The following DLG2 variants were observed in gnomAD, a reference collection of about 807,000 sequenced individuals.
DLG2 encodes the protein discs large MAGUK scaffold protein 2.
DLG2 carries 45 observed loss-of-function variants against 132.5 expected under a neutral mutation model. The ratio of observed to expected loss-of-function variants is 0.34; its 90% CI spans 0.27 to 0.44. DLG2 has a LOEUF of 0.44. Among genes scored for constraint, DLG2 ranks in the 20% least tolerant of loss-of-function variants. DLG2 has a pLI of 1.00. For synonymous variants in DLG2, 424 were observed against 419.6 expected (o/e 1.01, Z -0.13); for missense variants, 1,045 against 1,196.9 (o/e 0.87, Z 1.87).
chr11:84,598,486 A>G (rs2099568618), intron 6 of DLG2, among the ~76,000 whole-genome samples: 1 of 152,184 alleles, frequency 6.6e-6, no homozygotes, highest in Admixed American at 6.5e-5. Context: ...CAACTCAGCT[A>G]TTTTACATTT....
At chr11:85,207,710 T>C (rs1486783889) in intron 4 of DLG2, among the ~76,000 whole-genome samples, 1 of 152,128 alleles carries the variant, frequency 6.6e-6, no homozygotes, top group Non-Finnish European at 1.5e-5. Flanking sequence ...AATTCATATT[T>C]TGGCACTTAG....
chr11:85,095,728 C>T (rs1251537917), intron 6 of DLG2, among the ~76,000 whole-genome samples: 1 of 152,116 alleles, frequency 6.6e-6, no homozygotes, highest in Non-Finnish European at 1.5e-5. Flanking sequence ...CCAGAGTTCC[C>T]AAATTCAGTA....
chr11:85,438,359 C>G (rs369003884), intron 3 of DLG2, among the ~76,000 whole-genome samples: 32 of 152,190 alleles, frequency 2.1e-4, no homozygotes, highest in African/African-American at 7.0e-4. Flanking sequence ...ATTTTTTTAA[C>G]TTAGTTGTTG....
chr11:83,725,023 A>G (rs2089717487), intron 18 of DLG2: 1 of 650,788 alleles, frequency 1.5e-6, no homozygotes, highest in Non-Finnish European at 2.8e-6. Flanking sequence ...TTAGGAGTGA[A>G]GCAGGTAGGG....
intron 4 of DLG2, among the ~76,000 whole-genome samples, chr11:85,206,318 T>G (rs574911862): frequency 8.5e-5 from 13 of 152,208 alleles, no homozygotes; most frequent in African/African-American, 2.6e-4. Context: ...CAGGTATTTC[T>G]TTATAGAAAT....
At position 85,145,617 on chromosome 11, in the gene DLG2, G is replaced by A. The variant is rs144874089; in HGVS notation, c.282+8939C>T. On this transcript the variant is annotated intron_variant, in intron 5 of 27. Transcript: ENST00000376104. ...GATCAATTCTACTCTTCAGAGATTC[G>A]AAAGCATTTTTCATTTTGACAATAG... is the stretch of plus-strand genomic sequence containing the variant. 7.3e-4 allele frequency among the ~76,000 whole-genome samples: 111 copies of A among 151,726 alleles called. No individual in the cohort carries two copies. The East Asian group carries it at 0.014, about 19-fold the overall frequency.
rs186894970 is a variant in DLG2, at chr11:84,147,055, T to A, written c.624+16406A>T. On this transcript the variant is annotated intron_variant, in intron 9 of 27. Transcript: ENST00000376104. Reference sequence around the variant, plus strand: ...CCCTCTCTGCTCCCATACTCCACTGTAGAAAATCCTGAGAAACAATCTGCT... The same window carrying A: ...CCCTCTCTGCTCCCATACTCCACTGAAGAAAATCCTGAGAAACAATCTGCT... 2.9e-3 allele frequency among the ~76,000 whole-genome samples: 444 copies of A among 152,202 alleles called. 2 individuals carry two copies. Among genetic ancestry groups the A allele is most frequent in the African/African-American group, 0.01 (421 of 41,520 alleles).
intron 6 of DLG2, among the ~76,000 whole-genome samples, chr11:84,634,898 A>G (rs2099638018): frequency 6.6e-6 from 1 of 152,168 alleles, no homozygotes; most frequent in Non-Finnish European, 1.5e-5. Flanking sequence ...TGGAGCACAA[A>G]GTGGGAAATA....
chr11:84,270,534 G>T (rs2097707271), intron 7 of DLG2, among the ~76,000 whole-genome samples: 1 of 152,156 alleles, frequency 6.6e-6, no homozygotes, highest in African/African-American at 2.4e-5. Flanking sequence ...TATATGGGAG[G>T]TTCCCTGGGG....
At chr11:84,153,555 C>T (rs773987245) in intron 9 of DLG2, among the ~76,000 whole-genome samples, 2 of 151,938 alleles carry the variant, frequency 1.3e-5, no homozygotes, top group East Asian at 3.9e-4. Context: ...AATATTTTTT[C>T]TTTATTTTTG....
chr11:85,376,668 G>A (rs543856627), intron 3 of DLG2, among the ~76,000 whole-genome samples: 8 of 152,224 alleles, frequency 5.3e-5, no homozygotes, highest in African/African-American at 1.7e-4. Flanking sequence ...ATTCCCTACT[G>A]TAAGTACAGA....
chr11:85,046,429 T>A (rs2062353792), intron 6 of DLG2, among the ~76,000 whole-genome samples: 1 of 151,982 alleles, frequency 6.6e-6, no homozygotes, highest in African/African-American at 2.4e-5. Flanking sequence ...ATAATTAAAT[T>A]ACCTTGACCA....
chr11:85,266,138 G>A (rs1244704640), intron 4 of DLG2, among the ~76,000 whole-genome samples: 2 of 152,246 alleles, frequency 1.3e-5, no homozygotes, highest in Non-Finnish European at 2.9e-5. Context: ...ATTGTAGCAT[G>A]CCCTCTGAAG....
intron 18 of DLG2, among the ~76,000 whole-genome samples, chr11:83,699,445 G>A (rs768204603): frequency 6.6e-6 from 1 of 151,486 alleles, no homozygotes; most frequent in South Asian, 2.1e-4. Flanking sequence ...GCCTGTAATC[G>A]CAGCACTTTG....
intron 7 of DLG2, among the ~76,000 whole-genome samples, chr11:84,384,805 T>A (rs2098762623): frequency 6.6e-6 from 1 of 152,054 alleles, no homozygotes; most frequent in Non-Finnish European, 1.5e-5. Flanking sequence ...CCTCTATATG[T>A]GCTGCAATGA....
chr11:83,710,173 T>G (rs915941016), intron 18 of DLG2, among the ~76,000 whole-genome samples: 4 of 152,040 alleles, frequency 2.6e-5, no homozygotes, highest in Non-Finnish European at 4.4e-5. Context: ...GTACTTTTTT[T>G]TTTTTTTGAG....
chr11:83,505,806 C>A (rs948522942), intron 21 of DLG2, among the ~76,000 whole-genome samples: 1 of 152,184 alleles, frequency 6.6e-6, no homozygotes, highest in Non-Finnish European at 1.5e-5. Context: ...TAGAAAGGGG[C>A]TGTAGTGCTG....
At chr11:83,870,206 C>T (rs1352571537) in intron 16 of DLG2, among the ~76,000 whole-genome samples, 1 of 152,184 alleles carries the variant, frequency 6.6e-6, no homozygotes, top group East Asian at 1.9e-4. Flanking sequence ...GTGGTGAAGC[C>T]TGTGCTTTTA....
chr11:84,031,465 G>C (rs1258567023), intron 11 of DLG2, among the ~76,000 whole-genome samples: 1 of 152,142 alleles, frequency 6.6e-6, no homozygotes, highest in Non-Finnish European at 1.5e-5. Flanking sequence ...GCCTGAGATT[G>C]TATCAAAAGG....
Sources: gnomAD v4.1 joint callset for allele counts (sites outside exome capture counted in the v4.1 genomes callset) on GRCh38, gnomAD v4.1.1 for gene constraint, MANE v1.5 for transcripts, NCBI Gene and HGNC (gene_info 2026-07-23, HGNC 2026-07-21) for gene names.